The following SIRPB2 variants were observed in gnomAD, a reference collection of about 807,000 sequenced individuals.
SIRPB2 encodes the protein signal-regulatory protein beta-2.
Under a neutral mutation model 27.1 loss-of-function variants are expected in SIRPB2, and 18 were observed. The observed-to-expected ratio is 0.66, with a 90% CI of 0.46 to 0.98. The LOEUF (loss-of-function observed/expected upper bound fraction) is 0.98, where lower values mean the gene tolerates loss of function less well. SIRPB2 is among the 50% of genes least tolerant of loss of function. The probability of loss-of-function intolerance (pLI) is 0.00; values close to 1 mark genes in which losing one functional copy is unlikely to be tolerated. For synonymous variants in SIRPB2, 150 were observed against 164.6 expected (o/e 0.91, Z 0.68); for missense variants, 420 against 417.4 (o/e 1.01, Z -0.06).
At chr20:1,471,170 A>C (rs1404237555), downstream of SIRPB2, 1 of 152,256 alleles carries the variant, frequency 6.6e-6, no homozygotes, top group Non-Finnish European at 1.5e-5. Context: ...CATAAGCCTG[A>C]AACAACAGGA....
chr20:1,488,624 G>T (rs150375228), intron 1 of SIRPB2, among the ~76,000 whole-genome samples: 202 of 141,036 alleles, frequency 1.4e-3, no homozygotes, highest in Non-Finnish European at 2.4e-3. Flanking sequence ...CTCCAGCCTG[G>T]GCAACAGAGT....
At chr20:1,483,666 G>A (rs1341772125) in intron 1 of SIRPB2, among the ~76,000 whole-genome samples, 1 of 152,050 alleles carries the variant, frequency 6.6e-6, no homozygotes, top group Non-Finnish European at 1.5e-5. Flanking sequence ...TTAGTCCCTT[G>A]TCAAATGGGT....
Position 1,477,412 on chromosome 20 carries a change from G to A in SIRPB2, c.794-9C>T. On this transcript the variant is annotated splice_polypyrimidine_tract_variant and intron_variant, in intron 3 of 4. Transcript: ENST00000359801. ...GGAAGAGGTAGATTTTGCTGCAAGG[G>A]AGAGAGGCTTTGTCATACTTCCCTT... 6.2e-7 allele frequency: 1 copy of A among 1,608,566 alleles called. No homozygotes were observed. The highest frequency in any genetic ancestry group is 8.5e-7 in the Non-Finnish European group (1 of 1,176,196).
downstream of SIRPB2, among the ~76,000 whole-genome samples, chr20:1,473,427 G>T (rs899697321): frequency 2.6e-5 from 4 of 151,632 alleles, no homozygotes; most frequent in Non-Finnish European, 4.4e-5. Flanking sequence ...CAGGCACACA[G>T]ATGCACACAT....
chr20:1,491,331 C>A lies in SIRPB2; in HGVS notation c.29G>T (p.Cys10Phe). Residue 10 changes from cysteine to phenylalanine, a missense_variant, in exon 1 of 5, where the codon TGC becomes TTC. Transcript: ENST00000359801. ...GAAGCAGGGAGGCAAGTGGGCCAGG[C>A]AGGTGGGGGCCGACATCGTGGAGCA... MCSTMSAPTCLAHLPPCFLL... is the reference protein window; with the variant it reads MCSTMSAPTFLAHLPPCFLL... 6.2e-7 allele frequency: 1 copy of A among 1,610,594 alleles called. No individual in the cohort carries two copies. The highest frequency in any genetic ancestry group is 8.5e-7 in the Non-Finnish European group (1 of 1,178,742).
At chr20:1,471,131 C>G (rs1171556027), downstream of SIRPB2, 3 of 152,238 alleles carry the variant, frequency 2.0e-5, no homozygotes, top group Admixed American at 2.0e-4. Context: ...TCCCGCACTT[C>G]CCTGTAATGT....
Position 1,476,085 on chromosome 20 carries a change from G to T in SIRPB2, c.*82C>A. 5 of 1,530,416 alleles carry T rather than the reference G, an allele frequency of 3.3e-6. No homozygotes were observed. The highest frequency in any genetic ancestry group is 4.4e-6 in the Non-Finnish European group (5 of 1,126,846). 94.8% of individuals were successfully genotyped at this position (1,530,416 alleles called of 1,614,324 possible). A position where few individuals can be genotyped will look rare whatever the true frequency, so the allele number is the denominator to read the frequency against. On this transcript the variant is annotated 3_prime_UTR_variant, in exon 5 of 5. Transcript: ENST00000359801. ...GTCATGAGGCCTGGGGGCACCTAGAGGCTGGGACTGGAGGTAGGGAAATGG... is the reference window on the plus strand; with the variant it reads ...GTCATGAGGCCTGGGGGCACCTAGATGCTGGGACTGGAGGTAGGGAAATGG...
intron 1 of SIRPB2, chr20:1,480,315 A>G (rs1479235330): frequency 4.3e-6 from 2 of 467,474 alleles, no homozygotes; most frequent in Non-Finnish European, 3.8e-6. Flanking sequence ...CCCTGCGTGC[A>G]TGATGTCACT....
chr20:1,478,996 C>A (rs142521415), intron 2 of SIRPB2: 134 of 192,948 alleles, frequency 6.9e-4, no homozygotes, highest in African/African-American at 3.0e-3. Context: ...AAAATGAACT[C>A]CCACGTACAG....
intron 2 of SIRPB2, chr20:1,479,391 G>A (rs2090643118): frequency 2.6e-6 from 1 of 379,638 alleles, no homozygotes; most frequent in Admixed American, 4.2e-5. Context: ...TTAGCCAGTG[G>A]GCTGTTAGCA....
At chr20:1,477,166 A>T (rs1189242672) in intron 4 of SIRPB2, 172 bp downstream of exon 4, 2 of 1,582,758 alleles carry the variant, frequency 1.3e-6, no homozygotes, top group South Asian at 2.3e-5. Context: ...CTGAGCTGTT[A>T]TAACATGGTT....
At position 1,476,098 on chromosome 20, in the gene SIRPB2, G is replaced by A; in HGVS notation, c.*69C>T. 2.6e-6 allele frequency: 4 copies of A among 1,566,790 alleles called. No individual in the cohort carries two copies. The South Asian group carries it at 3.5e-5, about 14-fold the overall frequency. ...GGGGCACCTAGAGGCTGGGACTGGA[G>A]GTAGGGAAATGGTTGAGGAGCCCTG... On this transcript the variant is annotated 3_prime_UTR_variant, in exon 5 of 5. Transcript: ENST00000359801.
chr20:1,482,863 G>T (rs1044899407), intron 1 of SIRPB2, among the ~76,000 whole-genome samples: 1 of 151,772 alleles, frequency 6.6e-6, no homozygotes, highest in African/African-American at 2.4e-5. Context: ...ATTGATTGAC[G>T]CTTAGATTGA....
rs6042547 is a variant in SIRPB2 at position 1,485,652 on chromosome 20, A to C, written c.86-5587T>G. On this transcript the variant is annotated intron_variant, in intron 1 of 4. Transcript: ENST00000359801. Reference sequence around the variant, plus strand: ...GTAGAACACACACACACACACACACACCACACACACACACACACACAGAAA... The same window carrying C: ...GTAGAACACACACACACACACACACCCCACACACACACACACACACAGAAA... Among the ~76,000 whole-genome samples, 540 of 111,486 alleles carry C rather than the reference A, an allele frequency of 4.8e-3. 2 individuals carry two copies. Among genetic ancestry groups the C allele is most frequent in the African/African-American group, 0.02 (481 of 24,520 alleles). The allele number at this position is 111,486 out of a possible 152,430, so 73.1% of individuals were successfully genotyped here.
At position 1,475,946 on chromosome 20, in the gene SIRPB2, A is replaced by T. The variant is rs373441601; in HGVS notation, c.*221T>A. 55 of 510,152 alleles carry T rather than the reference A, an allele frequency of 1.1e-4. No individual in the cohort carries two copies. Among genetic ancestry groups the T allele is most frequent in the African/African-American group, 1.0e-3 (53 of 51,064 alleles). The allele number at this position is 510,152 out of a possible 1,614,324, so 31.6% of individuals were successfully genotyped here. A position where few individuals can be genotyped will look rare whatever the true frequency, so the allele number is the denominator to read the frequency against. ...AGACTGAGCCAGGGACTGAAAAGCA[A>T]GGAGGTCTTGAACAGGCCAAAAAGA... is the stretch of plus-strand genomic sequence containing the variant. On this transcript the variant is annotated 3_prime_UTR_variant, in exon 5 of 5. Coordinates refer to ENST00000359801, the MANE Select transcript of SIRPB2 (RefSeq NM_001122962.2).
intron 4 of SIRPB2, chr20:1,476,601 C>T (rs2090608472): frequency 1.8e-6 from 1 of 546,344 alleles, no homozygotes; most frequent in Non-Finnish European, 2.3e-6. Flanking sequence ...ATGCAATCCT[C>T]AAGGTAATCC....
At chr20:1,472,730 G>A (rs2090584720), downstream of SIRPB2, 1 of 152,172 alleles carries the variant, frequency 6.6e-6, no homozygotes, top group Non-Finnish European at 1.5e-5. Context: ...AGATAAGTAG[G>A]AGAACTGGAA....
intron 1 of SIRPB2, among the ~76,000 whole-genome samples, chr20:1,489,301 A>AC (rs796184433): frequency 8.5e-5 from 13 of 152,186 alleles, no homozygotes; most frequent in African/African-American, 3.1e-4. Flanking sequence ...CCCAGCACTC[A>AC]CAAAAAAAAC....
rs767859621 is a variant in SIRPB2 at position 1,478,292 on chromosome 20, C to A, written c.767G>T (p.Gly256Val). ...TTTCACTTTCAGGCTGGTGCCCTGT[C>A]CAGACAGGTATTGCCTGTTGGGTTT... is the stretch of plus-strand genomic sequence containing the variant. ...QRKPNRQYLS[G>V]QGTSLKVKAK... The change falls in exon 3 of 5, where the codon GGA (glycine) becomes GTA (valine). Residue 256 changes from glycine (G) to valine (V), a missense_variant. Coordinates refer to ENST00000359801, the MANE Select transcript of SIRPB2 (RefSeq NM_001122962.2). The A allele has an allele frequency of 2.7e-5, 43 of 1,613,772 alleles. No homozygotes were observed. The South Asian group carries it at 3.2e-4, about 12-fold the overall frequency.
Sources: allele counts gnomAD v4.1 joint callset (sites outside exome capture counted in the v4.1 genomes callset), GRCh38; gene constraint gnomAD v4.1.1; transcripts MANE v1.5; gene names NCBI Gene and HGNC (gene_info 2026-07-23, HGNC 2026-07-21).